The following TAX1BP1 variants were observed in gnomAD, a reference collection of about 807,000 sequenced individuals.
TAX1BP1 encodes the protein tax1-binding protein 1.
Under a neutral mutation model 97.7 loss-of-function variants are expected in TAX1BP1, and 62 were observed. The ratio of observed to expected loss-of-function variants is 0.63; its 90% CI spans 0.52 to 0.78. The LOEUF (loss-of-function observed/expected upper bound fraction) is 0.78, where lower values mean the gene tolerates loss of function less well. TAX1BP1 is among the 30% of genes least tolerant of loss of function. The pLI is 0.00. For synonymous variants in TAX1BP1, 340 were observed against 304.2 expected (o/e 1.12, Z -1.23); for missense variants, 867 against 916.1 (o/e 0.95, Z 0.69).
chr7:27,793,401 A>G (rs993560535), intron 10 of TAX1BP1, among the ~76,000 whole-genome samples, 189 bp downstream of exon 10: 2 of 152,214 alleles, frequency 1.3e-5, no homozygotes, highest in South Asian at 4.1e-4. Flanking sequence ...TGGACAGCCA[A>G]CAAAGGAAGC....
At chr7:27,788,544 A>C (rs1339111752) in intron 8 of TAX1BP1, among the ~76,000 whole-genome samples, 1 of 152,048 alleles carries the variant, frequency 6.6e-6, no homozygotes, top group African/African-American at 2.4e-5. Flanking sequence ...ATTTGTAGGT[A>C]ATCTTTTATC....
chr7:27,748,822 C>T (rs956711737), intron 2 of TAX1BP1, 136 bp downstream of exon 2: 3 of 573,268 alleles, frequency 5.2e-6, no homozygotes, highest in Middle Eastern at 9.8e-4. Flanking sequence ...AAATATTTAA[C>T]AGTGGGGAGT....
chr7:27,806,088 G>GTTTT (rs70974502), intron 13 of TAX1BP1, among the ~76,000 whole-genome samples: 3 of 142,638 alleles, frequency 2.1e-5, no homozygotes, highest in South Asian at 2.3e-4. Context: ...TAGAGTTTCA[G>GTTTT]TTTTTTTTTT....
At chr7:27,788,415 C>G (rs1055158992) in intron 8 of TAX1BP1, among the ~76,000 whole-genome samples, 1 of 151,994 alleles carries the variant, frequency 6.6e-6, no homozygotes, top group Admixed American at 6.6e-5. Context: ...TCTCCAACAG[C>G]CTTTCCTCAA....
intron 1 of TAX1BP1, 46 bp from the exon 2 acceptor site, chr7:27,748,472 T>G: frequency 1.5e-6 from 2 of 1,361,600 alleles, no homozygotes; most frequent in Non-Finnish European, 2.0e-6. Flanking sequence ...GGCATAAGTT[T>G]ATTCTTAGTT....
At chr7:27,758,652 C>T (rs138853707) in intron 3 of TAX1BP1, among the ~76,000 whole-genome samples, 90 of 152,098 alleles carry the variant, frequency 5.9e-4, no homozygotes, top group African/African-American at 2.0e-3. Flanking sequence ...CTGACATATG[C>T]TACAATATGG....
At chr7:27,792,718 T>C (rs1469686156) in intron 9 of TAX1BP1, among the ~76,000 whole-genome samples, 1 of 152,020 alleles carries the variant, frequency 6.6e-6, no homozygotes, top group Non-Finnish European at 1.5e-5. Flanking sequence ...CCTCAGCACT[T>C]TGGGGGGCTG....
chr7:27,801,080 G>C (rs1297852157), intron 13 of TAX1BP1, among the ~76,000 whole-genome samples: 2 of 148,714 alleles, frequency 1.3e-5, no homozygotes, highest in African/African-American at 2.5e-5. Context: ...CTCCAGCCCG[G>C]GTGACAGTGT....
rs10486560 is a variant in TAX1BP1 at position 27,748,417 on chromosome 7, G to A, written c.-7-101G>A. 0.012 allele frequency: 9,217 copies of A among 779,062 alleles called. 610 individuals are homozygous for A. In the African/African-American group the frequency reaches 0.15, roughly 12 times the overall value. 48.3% of individuals were successfully genotyped at this position (779,062 alleles called of 1,614,324 possible). ...GTATATATTTTCTTAATTATGACAT[G>A]CAAATATTCATGAAACTTATATTAA... is the stretch of plus-strand genomic sequence containing the variant. On this transcript the variant is annotated intron_variant, in intron 1 of 16. Transcript: ENST00000396319.
chr7:27,763,856 T>C (rs1353737358), intron 3 of TAX1BP1, among the ~76,000 whole-genome samples: 1 of 152,216 alleles, frequency 6.6e-6, no homozygotes, highest in Non-Finnish European at 1.5e-5. Context: ...TGCTATATAT[T>C]TGTTTTCTAG....
intron 13 of TAX1BP1, among the ~76,000 whole-genome samples, chr7:27,804,996 A>C (rs1195686081): frequency 6.6e-6 from 1 of 152,188 alleles, no homozygotes; most frequent in Non-Finnish European, 1.5e-5. Flanking sequence ...ATGCACATGT[A>C]GTTTTCTGGT....
intron 3 of TAX1BP1, among the ~76,000 whole-genome samples, chr7:27,760,071 C>T (rs1383493938): frequency 6.6e-6 from 1 of 151,998 alleles, no homozygotes; most frequent in African/African-American, 2.4e-5. Flanking sequence ...CCAGGCTGGT[C>T]TCAAATTCCT....
Position 27,796,149 on chromosome 7 carries a change from A to G in TAX1BP1, c.1568A>G (p.Gln523Arg). 4 of 1,605,548 alleles carry G rather than the reference A, an allele frequency of 2.5e-6. No homozygotes were observed. The South Asian group carries it at 4.5e-5, about 18-fold the overall frequency. Residue 523 changes from glutamine (Q) to arginine (R), a missense_variant, in exon 12 of 17, where the codon CAA becomes CGA. Around this residue, in one of 3 missense-constraint regions of TAX1BP1, gnomAD observed 822 missense variants for 851.4 expected, o/e 0.97. Transcript: ENST00000396319. ...EADFDIVTKG[Q>R]VCEMTKEIAD... The stretch of plus-strand genomic sequence containing the variant: ...GATTTTGACATAGTAACAAAGGGGC[A>G]AGTCTGTGAAATGACCAAAGAAATT...
rs375080539 is a variant in TAX1BP1, at chr7:27,828,788, G to A, written c.2329G>A (p.Val777Met). 3.1e-6 allele frequency: 5 copies of A among 1,610,350 alleles called. No individual in the cohort carries two copies. The highest frequency in any genetic ancestry group is 3.4e-6 in the Non-Finnish European group (4 of 1,178,470). Residue 777 changes from valine to methionine, a missense_variant, in exon 17 of 17, where the codon GTG becomes ATG. This residue lies in a region of TAX1BP1 where 34 missense variants were observed against 33.2 expected (regional missense o/e 1.02). Coordinates refer to ENST00000396319, the MANE Select transcript of TAX1BP1 (RefSeq NM_006024.7). ...DYDQQVFERHVQTHFDQNVLN... is the reference protein window; with the variant it reads ...DYDQQVFERHMQTHFDQNVLN... ...TGACCAGCAGGTGTTTGAAAGGCAT[G>A]TGCAGACCCATTTTGATCAGAATGT...
chr7:27,776,639 T>G (rs958570470), intron 5 of TAX1BP1, among the ~76,000 whole-genome samples: 2 of 151,994 alleles, frequency 1.3e-5, no homozygotes, highest in Non-Finnish European at 2.9e-5. Flanking sequence ...TTTTTATGCT[T>G]GGGGTTCAGT....
intron 5 of TAX1BP1, among the ~76,000 whole-genome samples, chr7:27,771,467 G>A (rs759000332): frequency 9.2e-5 from 14 of 151,728 alleles, no homozygotes; most frequent in Non-Finnish European, 1.8e-4. Flanking sequence ...CTTCATTTGT[G>A]TGAAATTACA....
intron 5 of TAX1BP1, among the ~76,000 whole-genome samples, chr7:27,777,830 T>C (rs1365157157): frequency 6.6e-6 from 1 of 152,202 alleles, no homozygotes; most frequent in African/African-American, 2.4e-5. Context: ...CTCTGTTGTT[T>C]CTTTTCTTTC....
chr7:27,771,097 A>ATTTTTTTTTTTTTTTTTTTTTTTTTTT (rs57751582), intron 5 of TAX1BP1, among the ~76,000 whole-genome samples: 1 of 40,570 alleles, frequency 2.5e-5, no homozygotes, highest in Non-Finnish European at 5.0e-5. Context: ...ACATTCAGCA[A>ATTTTTTTTTTTTTTTTTTTTTTTTTTT]TTTTTTTTTT....
At chr7:27,801,610 G>C (rs1009135227) in intron 13 of TAX1BP1, among the ~76,000 whole-genome samples, 1 of 152,118 alleles carries the variant, frequency 6.6e-6, no homozygotes, top group African/African-American at 2.4e-5. Flanking sequence ...TGCTTAAGGA[G>C]TTTATAATCT....
Sources: gnomAD v4.1 joint callset for allele counts (sites outside exome capture counted in the v4.1 genomes callset) on GRCh38, gnomAD v4.1.1 for gene constraint, gnomAD v4.1.1 regional missense constraint, MANE v1.5 for transcripts, NCBI Gene and HGNC (gene_info 2026-07-23, HGNC 2026-07-21) for gene names.